Variants in PRELID2 observed in about 807,000 individuals in gnomAD.
The protein encoded by PRELID2 is PRELI domain containing 2.
PRELID2 carries 25 observed loss-of-function variants against 28.4 expected under a neutral mutation model. The ratio of observed to expected loss-of-function variants is 0.88; its 90% CI spans 0.64 to 1.23. PRELID2 has a LOEUF of 1.23. Ranked by LOEUF, PRELID2 falls within the 50% of genes most tolerant of loss-of-function variation. The pLI, the probability that PRELID2 is intolerant of heterozygous loss-of-function variation, is 0.00. For synonymous variants in PRELID2, 76 were observed against 71.6 expected, an observed-to-expected ratio of 1.06 and a Z score of -0.31; for missense variants, 201 against 214.4, an observed-to-expected ratio of 0.94 and a Z score of 0.39.
intron 1 of PRELID2, among the ~76,000 whole-genome samples, chr5:145,487,488 G>T (rs1752228480): frequency 6.6e-6 from 1 of 152,138 alleles, no homozygotes; most frequent in Non-Finnish European, 1.5e-5. Context: ...AATAAAATCA[G>T]CATAGAATGT....
At chr5:145,338,784 T>C in the PRELID2 span, among the ~76,000 whole-genome samples, 1 of 152,206 alleles carries the variant, frequency 6.6e-6, no homozygotes, top group African/African-American at 2.4e-5. Flanking sequence ...CACACAGCAA[T>C]TAATCCATGG....
At chr5:145,439,558 C>G in the PRELID2 span, among the ~76,000 whole-genome samples, 1 of 152,038 alleles carries the variant, frequency 6.6e-6, no homozygotes, top group Non-Finnish European at 1.5e-5. Context: ...AAAACCAAAT[C>G]CATTGTCTCA....
intron 1 of PRELID2, among the ~76,000 whole-genome samples, chr5:145,735,982 C>T (rs773778857): frequency 6.6e-6 from 1 of 152,148 alleles, no homozygotes; most frequent in Admixed American, 6.5e-5. Context: ...TTGTTTAAAA[C>T]CTTGCTGATA....
At chr5:145,679,598 A>T (rs1307319104) in intron 1 of PRELID2, among the ~76,000 whole-genome samples, 1 of 152,150 alleles carries the variant, frequency 6.6e-6, no homozygotes, top group Non-Finnish European at 1.5e-5. Flanking sequence ...TATGTCTGGC[A>T]CATATCAGAT....
chr5:145,229,352 T>G, the PRELID2 span: 4 of 741,600 alleles, frequency 5.4e-6, no homozygotes, highest in Non-Finnish European at 1.0e-5. Context: ...CAAGAACCTG[T>G]GGAGCATCGA....
At chr5:145,238,132 G>A in the PRELID2 span, among the ~76,000 whole-genome samples, 1 of 152,052 alleles carries the variant, frequency 6.6e-6, no homozygotes, top group Non-Finnish European at 1.5e-5. Flanking sequence ...GGTTCCCCAA[G>A]CCTCCCTATT....
At chr5:145,551,359 C>A (rs1752832115) in intron 1 of PRELID2, among the ~76,000 whole-genome samples, 1 of 151,838 alleles carries the variant, frequency 6.6e-6, no homozygotes, top group South Asian at 2.1e-4. Context: ...CGAGATTGTG[C>A]CACTGCACTC....
intron 1 of PRELID2, among the ~76,000 whole-genome samples, chr5:145,615,807 T>C (rs1290444062): frequency 4.6e-5 from 7 of 152,234 alleles, no homozygotes; most frequent in Non-Finnish European, 2.9e-5. Flanking sequence ...TTTTGCTTTT[T>C]AAATTTCATT....
intron 1 of PRELID2, among the ~76,000 whole-genome samples, chr5:145,689,773 T>C (rs1449337768): frequency 6.6e-6 from 1 of 152,148 alleles, no homozygotes; most frequent in Non-Finnish European, 1.5e-5. Flanking sequence ...GCCCTATTTC[T>C]ACTGCCCACT....
At chr5:145,746,139 T>C (rs549251230) in intron 1 of PRELID2, among the ~76,000 whole-genome samples, 10 of 152,140 alleles carry the variant, frequency 6.6e-5, no homozygotes, top group Non-Finnish European at 1.2e-4. Context: ...AGCATCATGA[T>C]GACCAGATCA....
At chr5:145,724,187 G>T (rs1561558699) in intron 1 of PRELID2, among the ~76,000 whole-genome samples, 1 of 152,036 alleles carries the variant, frequency 6.6e-6, no homozygotes, top group African/African-American at 2.4e-5. Flanking sequence ...AGTGACCTAG[G>T]TTAACAGCTT....
intron 1 of PRELID2, among the ~76,000 whole-genome samples, chr5:145,831,001 G>A (rs1755546193): frequency 6.6e-6 from 1 of 152,152 alleles, no homozygotes; most frequent in South Asian, 2.1e-4. Context: ...CAGATTAAAT[G>A]CTTCCCAGTG....
chr5:145,320,273 CTT>C, the PRELID2 span, among the ~76,000 whole-genome samples: 5 of 142,740 alleles, frequency 3.5e-5, no homozygotes, highest in Admixed American at 7.1e-5. Context: ...CACTCAACAG[CTT>C]TTTTTTTTTT....
In PRELID2 at chr5:145,696,084, T is replaced by C. The variant is rs184010429; in HGVS notation, n.70+68847A>G. Reference sequence around the variant, plus strand: ...GCATATATAAATATAACTCTATATATATCTAAAACTTGAAAATCATGTATA... The same window carrying C: ...GCATATATAAATATAACTCTATATACATCTAAAACTTGAAAATCATGTATA... On this transcript the variant is annotated intron_variant and non_coding_transcript_variant, in intron 1 of 2. Transcript: ENST00000510259. Among the ~76,000 whole-genome samples, 44 of 151,522 alleles carry C rather than the reference T, an allele frequency of 2.9e-4. 2 individuals are homozygous for C. The East Asian group carries it at 7.6e-3, about 26-fold the overall frequency.
At chr5:145,623,573 T>C (rs1219638001) in intron 1 of PRELID2, among the ~76,000 whole-genome samples, 1 of 152,078 alleles carries the variant, frequency 6.6e-6, no homozygotes, top group Admixed American at 6.6e-5. Context: ...AAAAAACTGA[T>C]ACATATATCT....
chr5:145,589,511 T>A (rs1485565672), intron 1 of PRELID2, among the ~76,000 whole-genome samples: 1 of 152,172 alleles, frequency 6.6e-6, no homozygotes, highest in African/African-American at 2.4e-5. Context: ...GTCACATCAC[T>A]TTCTTTGTTT....
At chr5:145,462,866 C>G in the PRELID2 span, among the ~76,000 whole-genome samples, 2 of 152,142 alleles carry the variant, frequency 1.3e-5, no homozygotes, top group African/African-American at 4.8e-5. Context: ...TTCTACTAGC[C>G]CCAGGTTACT....
At chr5:145,484,896 T>C (rs1053532726) in intron 1 of PRELID2, among the ~76,000 whole-genome samples, 1 of 152,182 alleles carries the variant, frequency 6.6e-6, no homozygotes, top group Non-Finnish European at 1.5e-5. Context: ...TTCAGGACTT[T>C]GTCTGAGATA....
At chr5:145,801,973 CCT>C (rs1175607271) in intron 4 of PRELID2, among the ~76,000 whole-genome samples, 1 of 152,148 alleles carries the variant, frequency 6.6e-6, no homozygotes, top group Non-Finnish European at 1.5e-5. Context: ...CAATGGGGTC[CCT>C]GTCTCCAGCA....
Sources: allele counts gnomAD v4.1 joint callset (sites outside exome capture counted in the v4.1 genomes callset), GRCh38; gene constraint gnomAD v4.1.1; transcripts MANE v1.5; gene names NCBI Gene and HGNC (gene_info 2026-07-23, HGNC 2026-07-21).